The following DOCK4 variants were observed in gnomAD, a reference collection of about 807,000 sequenced individuals.
DOCK4 encodes dedicator of cytokinesis protein 4.
In DOCK4, 97 loss-of-function variants were observed where a neutral mutation model predicts 268.1. That is an observed-to-expected ratio of 0.36 (90% confidence interval 0.31 to 0.43). DOCK4 has a LOEUF of 0.43. DOCK4 is among the 20% of genes least tolerant of loss of function. The pLI is 1.00. For synonymous variants in DOCK4, 954 were observed against 887.2 expected (o/e 1.08, Z -1.34); for missense variants, 2,145 against 2,455.7 (o/e 0.87, Z 2.67).
At chr7:111,783,698 C>A (rs1798951689) in intron 34 of DOCK4, among the ~76,000 whole-genome samples, 159 bp downstream of exon 34, 1 of 151,890 alleles carries the variant, frequency 6.6e-6, no homozygotes, top group Non-Finnish European at 1.5e-5. Flanking sequence ...CAGCTCTGAA[C>A]CAGCTGGTTA....
chr7:112,098,523 T>C (rs922145918), intron 1 of DOCK4, among the ~76,000 whole-genome samples: 5 of 149,938 alleles, frequency 3.3e-5, no homozygotes, highest in African/African-American at 1.2e-4. Flanking sequence ...ATAATTTCCT[T>C]TAGCAGTGAA....
intron 1 of DOCK4, among the ~76,000 whole-genome samples, chr7:112,060,435 G>C (rs1806290990): frequency 6.6e-6 from 1 of 152,106 alleles, no homozygotes; most frequent in Admixed American, 6.6e-5. Flanking sequence ...ATTAAAAATG[G>C]AATTGCCATA....
Position 111,746,363 on chromosome 7 carries a change from C to A in DOCK4, c.4648G>T (p.Ala1550Ser), listed in dbSNP as rs1435639750. Residue 1550 changes from alanine (A) to serine (S), a missense_variant, in exon 44 of 53, where the codon GCA (alanine) becomes TCA (serine). Around this residue, in one of 2 missense-constraint regions of DOCK4, gnomAD observed 1,598 missense variants for 1,986.7 expected, o/e 0.80. Coordinates refer to ENST00000428084, the MANE Select transcript of DOCK4 (RefSeq NM_001363540.2). ...TCAAGCATCAGCTCTCTTAATCGTG[C>A]AATTTTCTCCCCATCTTCAGGGTGA... The part of the protein sequence containing the change: ...LSHPEDGEKI[A>S]RLRELMLEQA... The A allele has an allele frequency of 6.2e-7, 1 of 1,613,014 alleles. No individual in the cohort carries two copies. Among genetic ancestry groups the A allele is most frequent in the Non-Finnish European group, 8.5e-7 (1 of 1,179,518 alleles).
At position 111,732,394 on chromosome 7, in the gene DOCK4, G is replaced by C. The variant is rs144169057; in HGVS notation, c.5420-107C>G. On this transcript the variant is annotated intron_variant, in intron 51 of 52. Coordinates refer to ENST00000428084, the MANE Select transcript of DOCK4 (RefSeq NM_001363540.2). ...CCCAAACAGATGATCCAGTGCATAA[G>C]GACCTTCTAAGCAAAGGGGGTGGTG... is the stretch of plus-strand genomic sequence containing the variant. 2.6e-6 allele frequency: 3 copies of C among 1,163,956 alleles called. No homozygotes were observed. In the East Asian group the frequency reaches 7.3e-5, roughly 28 times the overall value. The allele number at this position is 1,163,956 out of a possible 1,614,324, so 72.1% of individuals were successfully genotyped here.
chr7:112,017,983 G>A (rs900493431), intron 1 of DOCK4, among the ~76,000 whole-genome samples: 3 of 151,394 alleles, frequency 2.0e-5, no homozygotes, highest in African/African-American at 4.9e-5. Context: ...TCAGGAGAGC[G>A]AGACCATCCT....
At chr7:111,977,411 T>TA in intron 7 of DOCK4, 128 bp from the exon 8 acceptor site, 2 of 1,053,550 alleles carry the variant, frequency 1.9e-6, no homozygotes, top group Non-Finnish European at 2.6e-6. Flanking sequence ...GCTGTGGATT[T>TA]GGTATCTAAA....
intron 10 of DOCK4, among the ~76,000 whole-genome samples, chr7:111,941,611 A>C (rs1383393706): frequency 6.6e-6 from 1 of 152,082 alleles, no homozygotes; most frequent in Non-Finnish European, 1.5e-5. Context: ...GAGCACTTCA[A>C]AGTTATTTAA....
At chr7:111,851,398 T>C (rs963093541) in intron 23 of DOCK4, among the ~76,000 whole-genome samples, 6 of 147,078 alleles carry the variant, frequency 4.1e-5, no homozygotes, top group Non-Finnish European at 7.4e-5. Flanking sequence ...TGAGCCAAGA[T>C]TGCACCACTG....
intron 1 of DOCK4, among the ~76,000 whole-genome samples, chr7:112,158,459 C>T (rs1237025147): frequency 6.6e-6 from 1 of 152,098 alleles, no homozygotes; most frequent in African/African-American, 2.4e-5. Context: ...TTAAAATAGT[C>T]CTTGGAATTC....
At chr7:111,782,791 CA>C in intron 35 of DOCK4, 72 bp downstream of exon 35, 1 of 1,460,374 alleles carries the variant, frequency 6.8e-7, no homozygotes, top group Non-Finnish European at 9.6e-7. Flanking sequence ...TAAACACAAA[CA>C]AAACATAGTA....
At chr7:111,856,948 G>GA (rs1399840493) in intron 23 of DOCK4, among the ~76,000 whole-genome samples, 1 of 152,096 alleles carries the variant, frequency 6.6e-6, no homozygotes, top group Non-Finnish European at 1.5e-5. Flanking sequence ...TGCTTCTAGA[G>GA]AAAAAAGAAG....
chr7:111,764,333 G>A (rs779486611), intron 39 of DOCK4, among the ~76,000 whole-genome samples: 2 of 152,126 alleles, frequency 1.3e-5, no homozygotes, highest in Non-Finnish European at 2.9e-5. Flanking sequence ...GTGCTGACAG[G>A]CAAGATTTAG....
At position 111,913,815 on chromosome 7, in the gene DOCK4, G is replaced by A. The variant is rs372329532; in HGVS notation, c.1192+1964C>T. On this transcript the variant is annotated intron_variant, in intron 13 of 52. Coordinates refer to ENST00000428084, the MANE Select transcript of DOCK4 (RefSeq NM_001363540.2). ...GAGGATCACTTGAGCCCAGGAGTTT[G>A]AGACTGCAGTGAGCAATGACTGTGC... Among the ~76,000 whole-genome samples the A allele has an allele frequency of 8.6e-5, 13 of 151,802 alleles. No homozygotes were observed. In the East Asian group the frequency reaches 2.5e-3, roughly 30 times the overall value.
chr7:111,931,239 C>T (rs944955300), intron 12 of DOCK4, among the ~76,000 whole-genome samples: 5 of 152,132 alleles, frequency 3.3e-5, no homozygotes, highest in Non-Finnish European at 5.9e-5. Context: ...ATGGATCCTG[C>T]CAGAGGAAGG....
At chr7:112,193,745 T>C (rs532568457) in intron 1 of DOCK4, among the ~76,000 whole-genome samples, 2 of 152,182 alleles carry the variant, frequency 1.3e-5, no homozygotes, top group East Asian at 3.9e-4. Flanking sequence ...TTTTTTTATA[T>C]CCCTCTTCCT....
At chr7:112,042,580 G>C (rs533685606) in intron 1 of DOCK4, among the ~76,000 whole-genome samples, 33 of 152,284 alleles carry the variant, frequency 2.2e-4, no homozygotes, top group Admixed American at 3.9e-4. Context: ...GAAAAAAATG[G>C]TATTTAGTTG....
chr7:111,858,766 T>G (rs1430628003), intron 23 of DOCK4, among the ~76,000 whole-genome samples: 1 of 151,976 alleles, frequency 6.6e-6, no homozygotes, highest in Admixed American at 6.6e-5. Context: ...CTCCTTTCCT[T>G]CCGTCTTTCC....
intron 1 of DOCK4, among the ~76,000 whole-genome samples, chr7:112,160,892 C>G (rs998469044): frequency 1.2e-4 from 19 of 152,156 alleles, no homozygotes; most frequent in African/African-American, 4.6e-4. Flanking sequence ...GGGCTAACAT[C>G]GACTCTGAGC....
intron 44 of DOCK4, among the ~76,000 whole-genome samples, chr7:111,743,317 C>T (rs1161586986): frequency 6.6e-6 from 1 of 152,210 alleles, no homozygotes; most frequent in African/African-American, 2.4e-5. Context: ...ATCTTTGCAG[C>T]TCGTGAAGAT....
Sources: allele counts gnomAD v4.1 joint callset (sites outside exome capture counted in the v4.1 genomes callset), GRCh38; gene constraint gnomAD v4.1.1; regional missense constraint gnomAD v4.1.1; transcripts MANE v1.5; gene names NCBI Gene and HGNC (gene_info 2026-07-23, HGNC 2026-07-21).